Variants in DPH6 observed in about 807,000 individuals in gnomAD.
DPH6 encodes the protein diphthine--ammonia ligase.
In DPH6, 33 loss-of-function variants were observed where a neutral mutation model predicts 38.2. The ratio of observed to expected loss-of-function variants is 0.86; its 90% CI spans 0.65 to 1.15. The LOEUF (loss-of-function observed/expected upper bound fraction) is 1.15, where lower values mean the gene tolerates loss of function less well. Among genes scored for constraint, DPH6 ranks in the 50% most tolerant of loss-of-function variants. The pLI is 0.00. For missense variants in DPH6, 325 were observed against 320.0 expected, an observed-to-expected ratio of 1.02 and a Z score of -0.12; for synonymous variants, 108 against 103.0, an observed-to-expected ratio of 1.05 and a Z score of -0.30.
chr15:35,462,089 C>A (rs2054073396), intron 3 of DPH6, among the ~76,000 whole-genome samples: 1 of 152,130 alleles, frequency 6.6e-6, no homozygotes, highest in African/African-American at 2.4e-5. Context: ...TTATGACGTG[C>A]ATCCTATCAA....
At chr15:35,314,211 C>T (rs2052168182) in intron 3 of DPH6, among the ~76,000 whole-genome samples, 1 of 151,940 alleles carries the variant, frequency 6.6e-6, no homozygotes, top group Non-Finnish European at 1.5e-5. Context: ...TATCAGTAAT[C>T]AGAGAAATGT....
rs1212905362 is a variant in DPH6, at chr15:35,542,394, A to G, written c.118+19T>C. 1 of 1,534,060 alleles carries G rather than the reference A, an allele frequency of 6.5e-7. No individual in the cohort carries two copies. ...ATTTCATTCATTTAGGCAACTTCCC[A>G]ATAAAGGCATGTACTTACCTTGGTT... is the stretch of plus-strand genomic sequence containing the variant. On this transcript the variant is annotated intron_variant, in intron 2 of 8. Transcript: ENST00000256538.
downstream of DPH6, among the ~76,000 whole-genome samples, chr15:35,329,511 G>A (rs1013204676): frequency 4.6e-5 from 7 of 152,104 alleles, 1 homozygote; most frequent in South Asian, 8.3e-4. Context: ...TCTTCCTTGT[G>A]GTTAACTAAA....
At chr15:35,344,094 G>A (rs2052443489) in intron 3 of DPH6, among the ~76,000 whole-genome samples, 1 of 151,908 alleles carries the variant, frequency 6.6e-6, no homozygotes, top group Non-Finnish European at 1.5e-5. Context: ...AGTCAATTAA[G>A]ATAAGTTTGA....
intron 3 of DPH6, among the ~76,000 whole-genome samples, chr15:35,294,883 C>T (rs1441376340): frequency 3.3e-5 from 5 of 152,168 alleles, no homozygotes; most frequent in Non-Finnish European, 5.9e-5. Context: ...AGAAGACAAA[C>T]AGCTAGTTAG....
chr15:35,348,888 A>G (rs1379902161), intron 3 of DPH6, among the ~76,000 whole-genome samples: 1 of 152,108 alleles, frequency 6.6e-6, no homozygotes, highest in Non-Finnish European at 1.5e-5. Context: ...ATCTATAAGT[A>G]TGCTATTCTT....
chr15:35,262,598 G>C (rs1044341951), intron 3 of DPH6, among the ~76,000 whole-genome samples: 15 of 150,490 alleles, frequency 1.0e-4, no homozygotes, highest in African/African-American at 3.2e-4. Flanking sequence ...CCCAGCTACT[G>C]GAGAGGCTGA....
At chr15:35,207,732 G>A in the DPH6 span, among the ~76,000 whole-genome samples, 1 of 152,128 alleles carries the variant, frequency 6.6e-6, no homozygotes, top group African/African-American at 2.4e-5. Context: ...TGAGCAAAAT[G>A]ATCTTTCCCA....
chr15:35,488,913 A>G (rs1327208485), intron 3 of DPH6, among the ~76,000 whole-genome samples: 1 of 152,198 alleles, frequency 6.6e-6, no homozygotes, highest in Non-Finnish European at 1.5e-5. Flanking sequence ...GTTTGTGCAC[A>G]GCAAACCATA....
intron 3 of DPH6, among the ~76,000 whole-genome samples, chr15:35,523,967 T>C (rs1351102656): frequency 6.6e-6 from 1 of 151,768 alleles, no homozygotes; most frequent in Non-Finnish European, 1.5e-5. Context: ...TAGATTAAAA[T>C]GCAATTTCAA....
intron 3 of DPH6, among the ~76,000 whole-genome samples, chr15:35,261,106 T>C (rs1269546549): frequency 1.3e-5 from 2 of 152,240 alleles, no homozygotes; most frequent in Admixed American, 6.5e-5. Flanking sequence ...TCAGTCCTTC[T>C]TGCCCCATTT....
intron 6 of DPH6, among the ~76,000 whole-genome samples, chr15:35,397,869 A>ATATACACACG (rs1555398531): frequency 1.5e-4 from 16 of 108,524 alleles, no homozygotes; most frequent in Middle Eastern, 4.9e-3. Context: ...TTATATATAT[A>ATATACACACG]CACACACACA....
chr15:35,269,843 T>G lies in DPH6; in HGVS notation n.201-49261A>C, dbSNP rs184477212. ...TCTTGCTCTGTCACCCAGGCTGGAG[T>G]GCAGTGGCACAATCTTGGCTCACTG... On this transcript the variant is annotated intron_variant and non_coding_transcript_variant, in intron 3 of 3. Transcript: ENST00000560386. Among the ~76,000 whole-genome samples, 365 of 143,102 alleles carry G rather than the reference T, an allele frequency of 2.6e-3. 2 individuals carry two copies. Among genetic ancestry groups the G allele is most frequent in the East Asian group, 4.4e-3 (21 of 4,778 alleles). The allele number at this position is 143,102 out of a possible 152,430, so 93.9% of individuals were successfully genotyped here.
chr15:35,196,040 T>C, the DPH6 span, among the ~76,000 whole-genome samples: 7 of 152,074 alleles, frequency 4.6e-5, no homozygotes, highest in Non-Finnish European at 7.4e-5. Context: ...AGAAGAGAAA[T>C]GCAAGTCTTG....
At chr15:35,192,047 C>A in the DPH6 span, among the ~76,000 whole-genome samples, 2 of 152,160 alleles carry the variant, frequency 1.3e-5, no homozygotes, top group African/African-American at 4.8e-5. Context: ...CTAGACCAAA[C>A]CCTTGGCATT....
intron 6 of DPH6, among the ~76,000 whole-genome samples, chr15:35,388,766 AT>A (rs1277475164): frequency 6.6e-6 from 1 of 151,878 alleles, no homozygotes; most frequent in Non-Finnish European, 1.5e-5. Context: ...CAGTCTATCA[AT>A]TTTGTTGATC....
chr15:35,433,476 C>T (rs1480736339), intron 5 of DPH6, among the ~76,000 whole-genome samples: 1 of 152,042 alleles, frequency 6.6e-6, no homozygotes, highest in Non-Finnish European at 1.5e-5. Flanking sequence ...AGTAAAAATC[C>T]CGTTGAGTCT....
the DPH6 span, among the ~76,000 whole-genome samples, chr15:35,197,761 T>A: frequency 5.3e-5 from 8 of 152,236 alleles, no homozygotes; most frequent in Non-Finnish European, 8.8e-5. Flanking sequence ...AATAGCCACA[T>A]AATGCTCTGA....
At chr15:35,381,781 A>C in intron 7 of DPH6, 41 bp downstream of exon 7, 1 of 1,546,026 alleles carries the variant, frequency 6.5e-7, no homozygotes, top group Non-Finnish European at 8.9e-7. Flanking sequence ...CCATCACTTA[A>C]ATTTATGGGA....
Sources: allele counts gnomAD v4.1 joint callset (sites outside exome capture counted in the v4.1 genomes callset), GRCh38; gene constraint gnomAD v4.1.1; transcripts MANE v1.5; gene names NCBI Gene and HGNC (gene_info 2026-07-23, HGNC 2026-07-21).